Variants in CTNNA3 observed in about 807,000 individuals in gnomAD.
CTNNA3 encodes catenin alpha 3.
Under a neutral mutation model 95.7 loss-of-function variants are expected in CTNNA3, and 76 were observed. That is an observed-to-expected ratio of 0.79 (90% confidence interval 0.66 to 0.96). The LOEUF is 0.96. Ranked by LOEUF, CTNNA3 falls within the 40% of genes least tolerant of loss-of-function variation. The probability of loss-of-function intolerance (pLI) is 0.00; values close to 1 mark genes in which losing one functional copy is unlikely to be tolerated. For missense variants in CTNNA3, 1,191 were observed against 1,089.8 expected, an observed-to-expected ratio of 1.09 and a Z score of -1.31; for synonymous variants, 431 against 374.4, an observed-to-expected ratio of 1.15 and a Z score of -1.74.
intron 7 of CTNNA3, among the ~76,000 whole-genome samples, chr10:67,070,104 T>A (rs1270953541): frequency 1.3e-5 from 2 of 152,208 alleles, no homozygotes; most frequent in African/African-American, 4.8e-5. Context: ...CAGTGTGTAG[T>A]ATTATCACAT....
chr10:66,741,649 C>T lies in CTNNA3; in HGVS notation c.1281+24615G>A, dbSNP rs538690468. Among the ~76,000 whole-genome samples the T allele has an allele frequency of 1.6e-3, 251 of 152,254 alleles. 1 individual carries two copies. The highest frequency in any genetic ancestry group is 5.6e-3 in the African/African-American group (232 of 41,536). On this transcript the variant is annotated intron_variant, in intron 9 of 17. Transcript: ENST00000433211. ...TTCTACTGCACATTCACTAGCATTGCGGGAAGTCAGGGACCCCGAATGGAG... is the reference window on the plus strand; with the variant it reads ...TTCTACTGCACATTCACTAGCATTGTGGGAAGTCAGGGACCCCGAATGGAG...
chr10:66,139,641 A>C (rs866276200), intron 13 of CTNNA3, among the ~76,000 whole-genome samples: 3 of 152,288 alleles, frequency 2.0e-5, no homozygotes, highest in Middle Eastern at 6.8e-3. Context: ...TTTTATAAAA[A>C]TATTCAAATT....
intron 5 of CTNNA3, among the ~76,000 whole-genome samples, chr10:67,441,467 G>T (rs1846512338): frequency 2.0e-5 from 3 of 151,932 alleles, no homozygotes; most frequent in African/African-American, 7.2e-5. Flanking sequence ...GAAGACTATA[G>T]AACACCAAGC....
chr10:66,418,034 A>G (rs1157973965), intron 11 of CTNNA3, among the ~76,000 whole-genome samples: 1 of 151,700 alleles, frequency 6.6e-6, no homozygotes, highest in East Asian at 1.9e-4. Flanking sequence ...TAAATGAATC[A>G]GAAACTAGAA....
chr10:66,904,463 A>T (rs576036066), intron 7 of CTNNA3, among the ~76,000 whole-genome samples: 127 of 152,296 alleles, frequency 8.3e-4, no homozygotes, highest in African/African-American at 2.9e-3. Context: ...ATGGGCAAAG[A>T]CTTCATGACT....
At chr10:66,621,806 TGGAA>T in intron 9 of CTNNA3, 22 bp from the exon 10 acceptor site, 1 of 1,489,986 alleles carries the variant, frequency 6.7e-7, no homozygotes, top group Non-Finnish European at 9.3e-7. Flanking sequence ...TCCAAAATAA[TGGAA>T]ATTATTTTAG....
Position 66,217,329 on chromosome 10 carries a change from G to A in CTNNA3, c.1884+63141C>T, listed in dbSNP as rs538010231. Among the ~76,000 whole-genome samples the A allele has an allele frequency of 8.7e-5, 13 of 149,530 alleles. 1 individual carries two copies. The South Asian group carries it at 2.8e-3, about 32-fold the overall frequency. The stretch of plus-strand genomic sequence containing the variant: ...GATCACGCCACTGCACTCTAGCCTG[G>A]GCGACAGAGCGAGACTCTATCTCAA... On this transcript the variant is annotated intron_variant, in intron 13 of 17. Transcript: ENST00000433211.
intron 7 of CTNNA3, among the ~76,000 whole-genome samples, chr10:66,957,761 CA>C (rs1848901914): frequency 2.0e-5 from 3 of 151,940 alleles, no homozygotes; most frequent in African/African-American, 7.3e-5. Flanking sequence ...AGGCAGAAGA[CA>C]AGGGGAAAAT....
At chr10:67,122,262 A>G (rs1267708883) in intron 7 of CTNNA3, among the ~76,000 whole-genome samples, 1 of 152,104 alleles carries the variant, frequency 6.6e-6, no homozygotes, top group Non-Finnish European at 1.5e-5. Flanking sequence ...TTTTTTTAAA[A>G]AAAGGTCTTT....
chr10:66,422,896 C>T (rs1564947976), intron 11 of CTNNA3, among the ~76,000 whole-genome samples: 1 of 151,942 alleles, frequency 6.6e-6, no homozygotes, highest in Non-Finnish European at 1.5e-5. Flanking sequence ...TACCAAAGTG[C>T]TGGAATTACA....
At chr10:66,681,270 C>T (rs1328213463) in intron 9 of CTNNA3, among the ~76,000 whole-genome samples, 3 of 152,142 alleles carry the variant, frequency 2.0e-5, no homozygotes, top group Admixed American at 6.6e-5. Flanking sequence ...TACCCTGACT[C>T]ATTCTGCCAT....
intron 12 of CTNNA3, among the ~76,000 whole-genome samples, chr10:66,349,851 T>C (rs903321512): frequency 6.6e-6 from 1 of 152,058 alleles, no homozygotes; most frequent in Non-Finnish European, 1.5e-5. Context: ...AAAACAAATA[T>C]ACTCATCATT....
At chr10:65,973,653 C>T (rs1193783645) in intron 16 of CTNNA3, among the ~76,000 whole-genome samples, 1 of 152,040 alleles carries the variant, frequency 6.6e-6, no homozygotes, top group Non-Finnish European at 1.5e-5. Flanking sequence ...CGTTGGCATC[C>T]ACTTGGCTTT....
At chr10:67,272,701 T>C (rs927505957) in intron 5 of CTNNA3, among the ~76,000 whole-genome samples, 2 of 152,190 alleles carry the variant, frequency 1.3e-5, no homozygotes, top group Non-Finnish European at 2.9e-5. Flanking sequence ...AAAGTTTTAG[T>C]TCTCATAATT....
chr10:66,106,337 TTGTGTGTGTGTGTGTGTGTG>T (rs201326026), intron 13 of CTNNA3, among the ~76,000 whole-genome samples: 2 of 145,442 alleles, frequency 1.4e-5, no homozygotes, highest in Admixed American at 6.9e-5. Flanking sequence ...GTGTGTGTGT[TTGTGTGTGTGTGTGTGTGTG>T]TGTGTGTGTG....
At chr10:67,421,004 T>C (rs911108761) in intron 5 of CTNNA3, among the ~76,000 whole-genome samples, 37 of 152,168 alleles carry the variant, frequency 2.4e-4, no homozygotes, top group African/African-American at 8.9e-4. Context: ...GTTAAAGGCC[T>C]CTTCTTTATA....
intron 3 of CTNNA3, among the ~76,000 whole-genome samples, chr10:67,585,998 T>C (rs141051174): frequency 7.9e-5 from 12 of 152,300 alleles, no homozygotes; most frequent in Admixed American, 2.6e-4. Flanking sequence ...TTTTTCTGTA[T>C]CTCACAGATT....
chr10:66,106,593 G>A (rs1462824), intron 13 of CTNNA3, among the ~76,000 whole-genome samples: 119,095 of 151,926 alleles, frequency 0.78, 46,931 homozygotes, highest in South Asian at 0.92. Context: ...GTGAGGCTCA[G>A]TTACACTAAG....
At chr10:66,215,539 A>G (rs533662055) in intron 13 of CTNNA3, among the ~76,000 whole-genome samples, 98 of 152,324 alleles carry the variant, frequency 6.4e-4, no homozygotes, top group African/African-American at 2.3e-3. Flanking sequence ...GCAAATCAAT[A>G]TTAGAAGACC....
Sources: allele counts gnomAD v4.1 joint callset (sites outside exome capture counted in the v4.1 genomes callset), GRCh38; gene constraint gnomAD v4.1.1; transcripts MANE v1.5; gene names NCBI Gene and HGNC (gene_info 2026-07-23, HGNC 2026-07-21).